Variants in SHANK2 observed in about 807,000 individuals in gnomAD.
SHANK2 encodes the protein SH3 and multiple ankyrin repeat domains 2.
In SHANK2, 43 loss-of-function variants were observed where a neutral mutation model predicts 133.7. The observed-to-expected ratio is 0.32, with a 90% confidence interval of 0.25 to 0.41. SHANK2 has a LOEUF of 0.41. Among genes scored for constraint, SHANK2 ranks in the 10% least tolerant of loss-of-function variants. The pLI is 1.00. For missense variants in SHANK2, 1,994 were observed against 2,235.8 expected, an observed-to-expected ratio of 0.89 and a Z score of 2.18; for synonymous variants, 1,017 against 952.8, an observed-to-expected ratio of 1.07 and a Z score of -1.24.
chr11:70,788,780 G>A (rs75889461), intron 14 of SHANK2, among the ~76,000 whole-genome samples: 5,550 of 152,250 alleles, frequency 0.036, 374 homozygotes, highest in African/African-American at 0.13. Flanking sequence ...AAACCCCGAC[G>A]AGGCCACACA....
intron 1 of SHANK2, among the ~76,000 whole-genome samples, chr11:71,233,488 G>A (rs1954777937): frequency 6.6e-6 from 1 of 152,164 alleles, no homozygotes; most frequent in Non-Finnish European, 1.5e-5. Flanking sequence ...ATCAGAGTGG[G>A]GAGCAATGCT....
chr11:70,670,331 G>C (rs1351725291), intron 15 of SHANK2, among the ~76,000 whole-genome samples: 1 of 152,220 alleles, frequency 6.6e-6, no homozygotes, highest in Non-Finnish European at 1.5e-5. Context: ...AAATTTCCGG[G>C]CTCTGCCAAT....
At chr11:70,920,970 CA>C (rs144916910) in intron 10 of SHANK2, among the ~76,000 whole-genome samples, 149 of 152,268 alleles carry the variant, frequency 9.8e-4, no homozygotes, top group African/African-American at 3.3e-3. Flanking sequence ...CCTTAAACAC[CA>C]GTTTCGACTA....
At chr11:70,608,712 C>T (rs980258729) in intron 17 of SHANK2, among the ~76,000 whole-genome samples, 2 of 152,214 alleles carry the variant, frequency 1.3e-5, no homozygotes, top group Non-Finnish European at 2.9e-5. Context: ...GTGAGGGCCA[C>T]GGGCTCCCGG....
intron 14 of SHANK2, among the ~76,000 whole-genome samples, chr11:70,786,919 T>C (rs1330336305): frequency 6.6e-6 from 1 of 151,642 alleles, no homozygotes; most frequent in African/African-American, 2.4e-5. Context: ...TCACCATCAA[T>C]AGAATCACTA....
At chr11:71,061,904 C>T in intron 9 of SHANK2, among the ~76,000 whole-genome samples, 1 of 152,026 alleles carries the variant, frequency 6.6e-6, no homozygotes, top group Non-Finnish European at 1.5e-5. Flanking sequence ...GATCATGAGC[C>T]CAAAATTTCC....
intron 4 of SHANK2, among the ~76,000 whole-genome samples, 165 bp downstream of exon 4, chr11:71,118,663 AG>A (rs1184958264): frequency 2.0e-5 from 3 of 152,046 alleles, no homozygotes; most frequent in African/African-American, 4.8e-5. Flanking sequence ...GGGGACACAG[AG>A]CCAAATCATA....
intron 3 of SHANK2, among the ~76,000 whole-genome samples, chr11:71,133,231 CAGAT>C (rs1555103991): frequency 8.3e-6 from 1 of 120,944 alleles, no homozygotes; most frequent in African/African-American, 5.2e-5. Context: ...GGTGGATGCA[CAGAT>C]GAATGGATGG....
chr11:71,203,283 A>G (rs567372832), intron 2 of SHANK2, among the ~76,000 whole-genome samples: 5 of 152,354 alleles, frequency 3.3e-5, no homozygotes, highest in African/African-American at 1.2e-4. Context: ...AATCTCCCAC[A>G]TGCCTAAGAG....
chr11:71,223,808 C>A (rs117561057), intron 2 of SHANK2, among the ~76,000 whole-genome samples: 2 of 152,266 alleles, frequency 1.3e-5, no homozygotes, highest in Admixed American at 1.3e-4. Flanking sequence ...CCCCCATCCA[C>A]GTGAAAATGA....
intron 2 of SHANK2, among the ~76,000 whole-genome samples, chr11:71,150,658 A>G (rs1322499480): frequency 6.6e-6 from 1 of 151,964 alleles, no homozygotes; most frequent in East Asian, 1.9e-4. Context: ...TGTCCAGCGC[A>G]TGTTCTTTCT....
At chr11:71,147,058 G>A (rs1952665150) in intron 3 of SHANK2, 62 bp downstream of exon 3, 1 of 1,405,750 alleles carries the variant, frequency 7.1e-7, no homozygotes, top group Non-Finnish European at 9.6e-7. Context: ...GCAGGCCTCT[G>A]GCGTTCAAGC....
At chr11:71,167,176 CCA>C (rs1309108385) in intron 2 of SHANK2, among the ~76,000 whole-genome samples, 3 of 152,244 alleles carry the variant, frequency 2.0e-5, no homozygotes, top group African/African-American at 7.2e-5. Flanking sequence ...GAAAAGTCTC[CCA>C]CGTCTACCTC....
chr11:70,623,731 G>A (rs1290598215), intron 17 of SHANK2, among the ~76,000 whole-genome samples: 1 of 152,240 alleles, frequency 6.6e-6, no homozygotes, highest in Non-Finnish European at 1.5e-5. Flanking sequence ...CAGCCACACT[G>A]GCTGCATTTT....
intron 6 of SHANK2, among the ~76,000 whole-genome samples, chr11:71,097,926 G>C (rs1951648092): frequency 6.6e-6 from 1 of 151,986 alleles, no homozygotes; most frequent in South Asian, 2.1e-4. Context: ...ATGTGTGCAT[G>C]CCTGTTTGTG....
intron 17 of SHANK2, among the ~76,000 whole-genome samples, chr11:70,613,875 C>G (rs1554995172): frequency 6.7e-6 from 1 of 149,246 alleles, no homozygotes; most frequent in African/African-American, 2.5e-5. Flanking sequence ...AGCAATTCTC[C>G]TGCCTCAGCC....
intron 17 of SHANK2, among the ~76,000 whole-genome samples, chr11:70,556,864 C>G (rs112240478): frequency 6.6e-6 from 1 of 151,874 alleles, no homozygotes; most frequent in Non-Finnish European, 1.5e-5. Flanking sequence ...AGTGAGCCAT[C>G]GCTCCTGGCC....
chr11:70,771,953 C>T (rs566619301), intron 14 of SHANK2, among the ~76,000 whole-genome samples: 23 of 152,262 alleles, frequency 1.5e-4, no homozygotes, highest in Admixed American at 7.2e-4. Context: ...GGCAGCAAAG[C>T]TCTGAGGTCT....
At chr11:70,677,701 C>A (rs1050530206) in intron 15 of SHANK2, among the ~76,000 whole-genome samples, 6 of 152,192 alleles carry the variant, frequency 3.9e-5, no homozygotes, top group East Asian at 3.9e-4. Flanking sequence ...CAACACAGCA[C>A]GTCCCACCAG....
Sources: gnomAD v4.1 joint callset for allele counts (sites outside exome capture counted in the v4.1 genomes callset) on GRCh38, gnomAD v4.1.1 for gene constraint, MANE v1.5 for transcripts, NCBI Gene and HGNC (gene_info 2026-07-23, HGNC 2026-07-21) for gene names.